UBE2L3: variants seen among roughly 807,000 people sequenced by gnomAD.
The protein encoded by UBE2L3 is ubiquitin conjugating enzyme E2 L3.
A neutral mutation model predicts 17.8 loss-of-function variants in UBE2L3; 1 was observed. The observed-to-expected ratio is 0.06, with a 90% CI of 0.02 to 0.27. The LOEUF is 0.27. UBE2L3 is among the 10% of genes least tolerant of loss of function. The pLI is 1.00. For synonymous variants in UBE2L3, 44 were observed against 68.5 expected (o/e 0.64, Z 1.76); for missense variants, 40 against 192.6 (o/e 0.21, Z 4.69).
At chr22:21,565,971 C>CTTT (rs527289152), upstream of UBE2L3, among the ~76,000 whole-genome samples, 18,864 of 122,390 alleles carry the variant, frequency 0.15, 2,101 homozygotes, top group East Asian at 0.37. Context: ...CAGAGTACTC[C>CTTT]TTTTTTTTTT....
At chr22:21,575,893 T>TCCACCTGCCCTC (rs1927264164) in intron 1 of UBE2L3, among the ~76,000 whole-genome samples, 1 of 151,880 alleles carries the variant, frequency 6.6e-6, no homozygotes, top group Non-Finnish European at 1.5e-5. Flanking sequence ...CCACCCACCT[T>TCCACCTGCCCTC]AGCCTCCCAA....
chr22:21,558,851 C>G (rs1298273080), intron 1 of UBE2L3, among the ~76,000 whole-genome samples: 3 of 152,004 alleles, frequency 2.0e-5, no homozygotes, highest in Non-Finnish European at 4.4e-5. Context: ...TCCTCCATGT[C>G]TAGAACAGTG....
At chr22:21,592,658 T>C (rs1311065789) in intron 1 of UBE2L3, among the ~76,000 whole-genome samples, 4 of 152,110 alleles carry the variant, frequency 2.6e-5, no homozygotes, top group Admixed American at 6.6e-5. Flanking sequence ...GTCTGGGGCA[T>C]GGGGAGAGGC....
At chr22:21,595,608 G>A (rs1202914037) in intron 2 of UBE2L3, among the ~76,000 whole-genome samples, 4 of 152,340 alleles carry the variant, frequency 2.6e-5, no homozygotes, top group South Asian at 4.1e-4. Context: ...ACTTCCTAGA[G>A]ACTTCATTGT....
chr22:21,607,837 C>T (rs933640603), intron 2 of UBE2L3, among the ~76,000 whole-genome samples: 15 of 152,070 alleles, frequency 9.9e-5, no homozygotes, highest in Non-Finnish European at 1.6e-4. Flanking sequence ...AGCTCAGGTC[C>T]CCAGGGTCCA....
intron 1 of UBE2L3, among the ~76,000 whole-genome samples, chr22:21,572,515 G>C (rs140014424): frequency 0.012 from 1,802 of 151,952 alleles, 19 homozygotes; most frequent in South Asian, 0.022. Context: ...TCTAAATTAG[G>C]AGACTGTTGC....
At chr22:21,571,621 C>CT (rs776768721) in intron 1 of UBE2L3, among the ~76,000 whole-genome samples, 8 of 152,178 alleles carry the variant, frequency 5.3e-5, no homozygotes, top group East Asian at 1.9e-4. Context: ...ATGCTGGTCT[C>CT]TAACTCCTAA....
chr22:21,608,902 G>T (rs1021641614), intron 2 of UBE2L3, among the ~76,000 whole-genome samples: 149 of 146,278 alleles, frequency 1.0e-3, no homozygotes, highest in African/African-American at 3.4e-3. Context: ...GTTTTGTTTT[G>T]TTTTTTTTTT....
intron 1 of UBE2L3, among the ~76,000 whole-genome samples, chr22:21,570,664 A>G (rs1198917577): frequency 6.6e-6 from 1 of 152,010 alleles, no homozygotes; most frequent in East Asian, 1.9e-4. Flanking sequence ...CAGTTATGTA[A>G]TGCTGATCAT....
Position 21,608,153 on chromosome 22 carries a change from G to A in UBE2L3, c.124-2704G>A, listed in dbSNP as rs1001928144. On this transcript the variant is annotated intron_variant, in intron 2 of 3. Coordinates refer to ENST00000342192, the MANE Select transcript of UBE2L3 (RefSeq NM_003347.4). ...AACACTGCCAAATGCTGCTGAGGACGTAGAGCAACAGGAACTCTCGCTCTT... is the reference window on the plus strand; with the variant it reads ...AACACTGCCAAATGCTGCTGAGGACATAGAGCAACAGGAACTCTCGCTCTT... 2.0e-5 allele frequency among the ~76,000 whole-genome samples: 3 copies of A among 152,220 alleles called. No homozygotes were observed. The East Asian group carries it at 5.8e-4, about 29-fold the overall frequency.
rs189577814 is a variant in UBE2L3 at position 21,622,995 on chromosome 22, C to T, written c.*1326C>T. 7.2e-5 allele frequency: 11 copies of T among 152,256 alleles called. No individual in the cohort carries two copies. Among genetic ancestry groups the T allele is most frequent in the Non-Finnish European group, 1.3e-4 (9 of 67,988 alleles). 9.4% of individuals were successfully genotyped at this position (152,256 alleles called of 1,614,324 possible). On this transcript the variant is annotated 3_prime_UTR_variant, in exon 4 of 4. Transcript: ENST00000342192. ...TCTTTTCAAGGCAAATGGGATTGTCCCCGCACTAGTAGAGAATCCATGTCG... is the reference window on the plus strand; with the variant it reads ...TCTTTTCAAGGCAAATGGGATTGTCTCCGCACTAGTAGAGAATCCATGTCG...
chr22:21,571,112 A>G (rs1439285055), intron 1 of UBE2L3, among the ~76,000 whole-genome samples: 1 of 152,242 alleles, frequency 6.6e-6, no homozygotes. Context: ...TAGGAATTAC[A>G]GTGTTAATAA....
intron 1 of UBE2L3, among the ~76,000 whole-genome samples, chr22:21,555,991 T>G (rs8139142): frequency 6.6e-6 from 1 of 152,004 alleles, no homozygotes; most frequent in East Asian, 1.9e-4. Flanking sequence ...ACCCAGCCCT[T>G]TGGGAGGCGG....
chr22:21,585,337 C>T (rs1927876657), intron 1 of UBE2L3, among the ~76,000 whole-genome samples: 1 of 152,172 alleles, frequency 6.6e-6, no homozygotes, highest in African/African-American at 2.4e-5. Context: ...GAACCAAGTC[C>T]AGGTCTTTAC....
At chr22:21,613,451 C>A (rs1929608085) in intron 3 of UBE2L3, among the ~76,000 whole-genome samples, 1 of 152,038 alleles carries the variant, frequency 6.6e-6, no homozygotes, top group South Asian at 2.1e-4. Flanking sequence ...CCATGATGGA[C>A]AGAACTGGAA....
At chr22:21,598,882 C>T (rs1371476065) in intron 2 of UBE2L3, among the ~76,000 whole-genome samples, 1 of 151,660 alleles carries the variant, frequency 6.6e-6, no homozygotes, top group African/African-American at 2.4e-5. Context: ...ACTCTGTCTC[C>T]CAGGCTGGAG....
intron 1 of UBE2L3, among the ~76,000 whole-genome samples, chr22:21,572,886 C>T (rs1601396579): frequency 1.3e-5 from 2 of 152,158 alleles, no homozygotes; most frequent in Non-Finnish European, 2.9e-5. Context: ...AAAACGCCAG[C>T]GGAGCCCTTC....
intron 3 of UBE2L3, among the ~76,000 whole-genome samples, chr22:21,615,634 T>C (rs1019505801): frequency 6.6e-6 from 1 of 152,106 alleles, no homozygotes; most frequent in African/African-American, 2.4e-5. Flanking sequence ...ATTCCATTTG[T>C]AGTTGAGCCT....
At chr22:21,555,749 T>A (rs1926202460) in intron 1 of UBE2L3, among the ~76,000 whole-genome samples, 1 of 152,006 alleles carries the variant, frequency 6.6e-6, no homozygotes, top group African/African-American at 2.4e-5. Flanking sequence ...CTGGCCAACA[T>A]GGTGAAACCC....
Sources: allele counts gnomAD v4.1 joint callset (sites outside exome capture counted in the v4.1 genomes callset), GRCh38; gene constraint gnomAD v4.1.1; transcripts MANE v1.5; gene names NCBI Gene and HGNC (gene_info 2026-07-23, HGNC 2026-07-21).